KCNH8: variants seen among roughly 807,000 people sequenced by gnomAD.
The protein encoded by KCNH8 is voltage-gated delayed rectifier potassium channel KCNH8.
In KCNH8, 70 loss-of-function variants were observed where a neutral mutation model predicts 103.6. That is an observed-to-expected ratio of 0.68 (90% CI 0.56 to 0.82). The LOEUF (loss-of-function observed/expected upper bound fraction) is 0.82, where lower values mean the gene tolerates loss of function less well. Among genes scored for constraint, KCNH8 ranks in the 40% least tolerant of loss-of-function variants. The pLI is 0.00. For missense variants in KCNH8, 1,217 were observed against 1,329.9 expected, an observed-to-expected ratio of 0.92 and a Z score of 1.32; for synonymous variants, 498 against 489.4, an observed-to-expected ratio of 1.02 and a Z score of -0.23.
rs141651758 is a variant in KCNH8 at position 19,451,181 on chromosome 3, G to A, written c.1602G>A (p.Leu534=). The change falls in exon 10 of 16, where the codon CTG becomes CTA. Residue 534 remains leucine, a synonymous_variant. Transcript: ENST00000328405. The stretch of plus-strand genomic sequence containing the variant: ...TTTTGAAAGACTTTCCAGATGAACT[G>A]CGTTCTGACATCACTATGCACTTGA... ...NELLKDFPDE[L]RSDITMHLNK... The A allele has an allele frequency of 3.4e-5, 55 of 1,613,628 alleles. No individual in the cohort carries two copies. The highest frequency in any genetic ancestry group is 4.4e-5 in the Non-Finnish European group (52 of 1,179,732).
Position 19,186,594 on chromosome 3 carries a change from C to G in KCNH8, c.76+37799C>G, listed in dbSNP as rs569787226. Among the ~76,000 whole-genome samples the G allele has an allele frequency of 1.2e-4, 18 of 151,776 alleles. No individual in the cohort carries two copies. In the South Asian group the frequency reaches 2.9e-3, roughly 25 times the overall value. ...TATTCTTTGATGTGTTTCTTTGTTT[C>G]GTTGAGGGATAAATTTTAAAAAAGA... On this transcript the variant is annotated intron_variant, in intron 1 of 15. Coordinates refer to ENST00000328405, the MANE Select transcript of KCNH8 (RefSeq NM_144633.3).
intron 3 of KCNH8, among the ~76,000 whole-genome samples, chr3:19,290,329 T>G (rs2064900530): frequency 6.6e-6 from 1 of 152,216 alleles, no homozygotes; most frequent in Non-Finnish European, 1.5e-5. Context: ...GTGCCAGTTT[T>G]CAAAGGGAAT....
intron 2 of KCNH8, among the ~76,000 whole-genome samples, chr3:19,265,766 A>G (rs939875749): frequency 6.6e-6 from 1 of 152,118 alleles, no homozygotes; most frequent in African/African-American, 2.4e-5. Context: ...CAAAATTTAC[A>G]TCATTTACAC....
chr3:19,284,370 A>T lies in KCNH8; in HGVS notation c.442+3041A>T, dbSNP rs1363536356. Among the ~76,000 whole-genome samples, 6 of 152,202 alleles carry T rather than the reference A, an allele frequency of 3.9e-5. No homozygotes were observed. The South Asian group carries it at 6.2e-4, about 16-fold the overall frequency. ...GGGGGAGTTTATTTAAATGAGGAAG[A>T]ACCTGTTTTATAGAAGTGGCTAATG... On this transcript the variant is annotated intron_variant, in intron 3 of 15. Transcript: ENST00000328405.
At chr3:19,451,462 ATG>A in intron 10 of KCNH8, 58 bp downstream of exon 10, 1 of 1,538,818 alleles carries the variant, frequency 6.5e-7, no homozygotes, top group Non-Finnish European at 8.9e-7. Flanking sequence ...AATTAAGAAG[ATG>A]AAATGGGGGA....
intron 4 of KCNH8, among the ~76,000 whole-genome samples, chr3:19,344,829 G>T (rs1437472058): frequency 6.6e-6 from 1 of 151,968 alleles, no homozygotes; most frequent in Non-Finnish European, 1.5e-5. Flanking sequence ...CATATTATTT[G>T]ATTCTTATAG....
chr3:19,492,680 C>T (rs187009180), intron 11 of KCNH8, among the ~76,000 whole-genome samples: 2 of 152,064 alleles, frequency 1.3e-5, no homozygotes, highest in Admixed American at 1.3e-4. Flanking sequence ...TTTTTGGTTC[C>T]ATATGAATTT....
intron 11 of KCNH8, among the ~76,000 whole-genome samples, chr3:19,480,443 A>C (rs2068064816): frequency 6.6e-6 from 1 of 152,212 alleles, no homozygotes; most frequent in Admixed American, 6.5e-5. Context: ...AGATGAAATA[A>C]ATCAAAGGAC....
intron 1 of KCNH8, among the ~76,000 whole-genome samples, chr3:19,194,243 C>T (rs1211476818): frequency 6.6e-6 from 1 of 151,744 alleles, no homozygotes; most frequent in African/African-American, 2.4e-5. Flanking sequence ...AAGTGCTTTG[C>T]TGTATTTTTA....
rs144599695 is a variant in KCNH8 at position 19,268,708 on chromosome 3, C to T, written c.311-12490C>T. On this transcript the variant is annotated intron_variant, in intron 2 of 15. Transcript: ENST00000328405. ...TGAAGACCAGCAGCATCAGCATACCCTGGGATTTATTGAGTGCCACCCAGA... is the reference window on the plus strand; with the variant it reads ...TGAAGACCAGCAGCATCAGCATACCTTGGGATTTATTGAGTGCCACCCAGA... Among the ~76,000 whole-genome samples, 9 of 152,044 alleles carry T rather than the reference C, an allele frequency of 5.9e-5. No individual in the cohort carries two copies. The East Asian group carries it at 1.8e-3, about 30-fold the overall frequency.
chr3:19,281,102 A>T, intron 2 of KCNH8, 96 bp from the exon 3 acceptor site: 2 of 1,334,828 alleles, frequency 1.5e-6, no homozygotes, highest in Non-Finnish European at 2.1e-6. Context: ...ATTGAAGAAA[A>T]CACTAAGGGC....
intron 5 of KCNH8, among the ~76,000 whole-genome samples, chr3:19,381,299 A>G (rs563382825): frequency 4.3e-4 from 66 of 152,182 alleles, no homozygotes; most frequent in Non-Finnish European, 7.8e-4. Context: ...TGGGGAAATC[A>G]TGTCTTCAAA....
At chr3:19,433,060 A>G (rs2067146562) in intron 7 of KCNH8, among the ~76,000 whole-genome samples, 1 of 152,122 alleles carries the variant, frequency 6.6e-6, no homozygotes, top group South Asian at 2.1e-4. Context: ...GCAATTTACG[A>G]TACTGTACAA....
intron 1 of KCNH8, among the ~76,000 whole-genome samples, chr3:19,172,670 T>C (rs1195067190): frequency 1.3e-5 from 2 of 152,198 alleles, no homozygotes; most frequent in African/African-American, 4.8e-5. Flanking sequence ...GATATTGACC[T>C]CAGCTCCATT....
intron 7 of KCNH8, among the ~76,000 whole-genome samples, chr3:19,418,312 G>A (rs923048549): frequency 9.9e-5 from 15 of 152,128 alleles, no homozygotes; most frequent in Admixed American, 2.6e-4. Context: ...GGTGTACATG[G>A]ATGAAGCAGG....
intron 3 of KCNH8, among the ~76,000 whole-genome samples, chr3:19,320,244 A>G (rs552806964): frequency 6.6e-6 from 1 of 152,114 alleles, no homozygotes; most frequent in South Asian, 2.1e-4. Flanking sequence ...TTCAGTTCTC[A>G]GAGGGAGTGC....
At chr3:19,498,978 C>T (rs561588956) in intron 11 of KCNH8, among the ~76,000 whole-genome samples, 3 of 152,202 alleles carry the variant, frequency 2.0e-5, no homozygotes, top group Non-Finnish European at 4.4e-5. Flanking sequence ...CCACTGCTCT[C>T]TTCAAACCTC....
Position 19,170,721 on chromosome 3 carries a change from C to CATATATACACACACAT in KCNH8, c.76+21956_76+21971dup, listed in dbSNP as rs1157002451. Among the ~76,000 whole-genome samples the CATATATACACACACAT allele has an allele frequency of 5.3e-5, 6 of 113,568 alleles. No homozygotes were observed. The East Asian group carries it at 1.2e-3, about 23-fold the overall frequency. 74.5% of individuals were successfully genotyped at this position (113,568 alleles called of 152,430 possible). A position where few individuals can be genotyped will look rare whatever the true frequency, so the allele number is the denominator to read the frequency against. On this transcript the variant is annotated intron_variant, in intron 1 of 15. Coordinates refer to ENST00000328405, the MANE Select transcript of KCNH8 (RefSeq NM_144633.3). ...ATATATATACACATATATACACACA[C>CATATATACACACACAT]ATATATACACACACATATATATACA...
At chr3:19,373,422 G>A (rs1433628772) in intron 5 of KCNH8, among the ~76,000 whole-genome samples, 9 of 151,976 alleles carry the variant, frequency 5.9e-5, no homozygotes, top group Non-Finnish European at 1.0e-4. Context: ...GTATTCTCTG[G>A]TGGTAGTTTG....
Sources: allele counts gnomAD v4.1 joint callset (sites outside exome capture counted in the v4.1 genomes callset), GRCh38; gene constraint gnomAD v4.1.1; transcripts MANE v1.5; gene names NCBI Gene and HGNC (gene_info 2026-07-23, HGNC 2026-07-21).